LRP1B: variants seen among roughly 807,000 people sequenced by gnomAD.
LRP1B encodes the protein low-density lipoprotein receptor-related protein 1B.
A neutral mutation model predicts 556.6 loss-of-function variants in LRP1B; 217 were observed. That is an observed-to-expected ratio of 0.39 (90% confidence interval 0.35 to 0.44). LRP1B has a LOEUF of 0.44. Ranked by LOEUF, LRP1B falls within the 20% of genes least tolerant of loss-of-function variation. The pLI is 1.00. For missense variants in LRP1B, 5,053 were observed against 5,620.8 expected, an observed-to-expected ratio of 0.90 and a Z score of 3.23; for synonymous variants, 2,047 against 1,865.8, an observed-to-expected ratio of 1.10 and a Z score of -2.50.
At chr2:141,362,822 A>T (rs1056529267) in intron 3 of LRP1B, among the ~76,000 whole-genome samples, 1 of 151,976 alleles carries the variant, frequency 6.6e-6, no homozygotes, top group Non-Finnish European at 1.5e-5. Flanking sequence ...TTAATTAAAA[A>T]AAAAAAAAAA....
Position 141,819,206 on chromosome 2 carries a change from C to T in LRP1B, c.83-8805G>A, listed in dbSNP as rs145120345. Among the ~76,000 whole-genome samples the T allele has an allele frequency of 6.6e-3, 1,006 of 151,966 alleles. 6 individuals carry two copies. The highest frequency in any genetic ancestry group is 0.024 in the Middle Eastern group (7 of 294). On this transcript the variant is annotated intron_variant, in intron 1 of 90. Transcript: ENST00000389484. The stretch of plus-strand genomic sequence containing the variant: ...TGAGCTGAGATCACGCCATTGTACT[C>T]CAGCCTAGGCACAGAGTGAGACTCC...
intron 66 of LRP1B, among the ~76,000 whole-genome samples, chr2:140,395,514 T>C (rs964001319): frequency 3.3e-5 from 5 of 152,218 alleles, no homozygotes; most frequent in Non-Finnish European, 7.3e-5. Context: ...CTAGGGAAAG[T>C]GGACAGGTTA....
intron 43 of LRP1B, among the ~76,000 whole-genome samples, chr2:140,567,568 G>T (rs1681172069): frequency 6.6e-6 from 1 of 152,178 alleles, no homozygotes; most frequent in East Asian, 1.9e-4. Flanking sequence ...GGTTGTCTGA[G>T]CAATCAACAT....
At chr2:141,951,303 C>T (rs1049338132) in intron 1 of LRP1B, among the ~76,000 whole-genome samples, 3 of 152,110 alleles carry the variant, frequency 2.0e-5, no homozygotes, top group Non-Finnish European at 2.9e-5. Context: ...GCAGTGTACA[C>T]TGTACCGAAT....
intron 2 of LRP1B, among the ~76,000 whole-genome samples, chr2:141,529,826 T>C (rs1574049683): frequency 6.6e-6 from 1 of 152,144 alleles, no homozygotes; most frequent in East Asian, 1.9e-4. Context: ...TGTTAGTGTG[T>C]AGCACTGACA....
chr2:140,729,431 C>G (rs1687700823), intron 35 of LRP1B, among the ~76,000 whole-genome samples: 2 of 152,026 alleles, frequency 1.3e-5, no homozygotes, highest in African/African-American at 4.8e-5. Flanking sequence ...ATATATGAGT[C>G]TTATAATATG....
intron 84 of LRP1B, among the ~76,000 whole-genome samples, chr2:140,293,829 G>T (rs1219070291): frequency 6.6e-6 from 1 of 152,076 alleles, no homozygotes; most frequent in Non-Finnish European, 1.5e-5. Context: ...AACAACTCCT[G>T]GGGTCCAATT....
At chr2:141,054,415 A>G (rs1699122541) in intron 10 of LRP1B, among the ~76,000 whole-genome samples, 1 of 152,038 alleles carries the variant, frequency 6.6e-6, no homozygotes, top group Admixed American at 6.6e-5. Flanking sequence ...CCTGATTATC[A>G]AGACCCCAGG....
chr2:141,435,535 T>TGAG (rs948384117), intron 3 of LRP1B, among the ~76,000 whole-genome samples: 4 of 152,226 alleles, frequency 2.6e-5, no homozygotes, highest in African/African-American at 9.6e-5. Flanking sequence ...CAGGTAAAGC[T>TGAG]GTAGACCTCC....
intron 59 of LRP1B, among the ~76,000 whole-genome samples, chr2:140,480,792 T>G (rs746706969): frequency 9.2e-4 from 140 of 152,162 alleles, no homozygotes; most frequent in Non-Finnish European, 2.1e-4. Flanking sequence ...TGAAAGTATG[T>G]CTTTTAAAAT....
chr2:140,877,068 C>T (rs1403385186), intron 25 of LRP1B, among the ~76,000 whole-genome samples: 5 of 151,424 alleles, frequency 3.3e-5, no homozygotes, highest in South Asian at 2.1e-4. Context: ...TTCCTTTTTC[C>T]TTTTTTCTCC....
intron 41 of LRP1B, among the ~76,000 whole-genome samples, chr2:140,637,891 T>C (rs1574174471): frequency 2.0e-5 from 3 of 152,306 alleles, no homozygotes; most frequent in Admixed American, 2.0e-4. Context: ...ACAAAAGTCT[T>C]CTAAAATCAA....
chr2:142,045,145 A>G (rs1203331594), intron 1 of LRP1B, among the ~76,000 whole-genome samples: 66 of 31,788 alleles, frequency 2.1e-3, no homozygotes, highest in Middle Eastern at 8.3e-3. Flanking sequence ...CAAGGGGGAA[A>G]AAAAAAAAAA....
intron 3 of LRP1B, among the ~76,000 whole-genome samples, chr2:141,301,911 T>C (rs1418629973): frequency 6.6e-6 from 1 of 152,168 alleles, no homozygotes; most frequent in Non-Finnish European, 1.5e-5. Context: ...TATTAAGATA[T>C]TATGTGCTTG....
intron 1 of LRP1B, among the ~76,000 whole-genome samples, chr2:141,947,807 T>A (rs1468111396): frequency 3.0e-5 from 2 of 67,454 alleles, no homozygotes; most frequent in Admixed American, 2.0e-4. Context: ...AATTTTTTTT[T>A]AAATATCAGA....
intron 2 of LRP1B, among the ~76,000 whole-genome samples, chr2:141,635,047 A>ACACACACACACACACACAC (rs35004868): frequency 1.3e-5 from 2 of 149,924 alleles, no homozygotes; most frequent in African/African-American, 4.9e-5. Flanking sequence ...ACTATAGTGA[A>ACACACACACACACACACAC]ACACACACAC....
At chr2:140,378,114 A>C in intron 68 of LRP1B, 66 bp downstream of exon 68, 1 of 1,080,336 alleles carries the variant, frequency 9.3e-7, no homozygotes, top group South Asian at 1.3e-5. Context: ...TATTGGACTG[A>C]ATAATAATAA....
At position 140,650,309 on chromosome 2, in the gene LRP1B, T is replaced by A. The variant is rs199767953; in HGVS notation, c.6800-48670A>T. Among the ~76,000 whole-genome samples, 15 of 137,974 alleles carry A rather than the reference T, an allele frequency of 1.1e-4. 1 individual carries two copies. Among genetic ancestry groups the A allele is most frequent in the South Asian group, 2.3e-4 (1 of 4,292 alleles). 90.5% of individuals were successfully genotyped at this position (137,974 alleles called of 152,430 possible). ...GTTAGTTAAATCACTTTATTTTTAT[T>A]TTTATTTATTTATTTATTTATTTAT... On this transcript the variant is annotated intron_variant, in intron 41 of 90. Transcript: ENST00000389484.
At chr2:142,043,590 G>A (rs1704139219) in intron 1 of LRP1B, among the ~76,000 whole-genome samples, 1 of 151,554 alleles carries the variant, frequency 6.6e-6, no homozygotes, top group South Asian at 2.1e-4. Context: ...TATCATCAGT[G>A]TATTTGGTAT....
Sources: allele counts gnomAD v4.1 joint callset (sites outside exome capture counted in the v4.1 genomes callset), GRCh38; gene constraint gnomAD v4.1.1; transcripts MANE v1.5; gene names NCBI Gene and HGNC (gene_info 2026-07-23, HGNC 2026-07-21).